ADGRB3: variants seen among roughly 807,000 people sequenced by gnomAD.
ADGRB3 encodes the protein adhesion G protein-coupled receptor B3.
ADGRB3 carries 37 observed loss-of-function variants against 193.4 expected under a neutral mutation model. That is an observed-to-expected ratio of 0.19 (90% CI 0.15 to 0.25). ADGRB3 has a LOEUF of 0.25. ADGRB3 is among the 10% of genes least tolerant of loss of function. The pLI is 1.00. For missense variants in ADGRB3, 1,637 were observed against 1,852.9 expected (o/e 0.88, Z 2.14); for synonymous variants, 690 against 644.2 (o/e 1.07, Z -1.08).
intron 3 of ADGRB3, among the ~76,000 whole-genome samples, chr6:68,768,611 C>T (rs981671460): frequency 6.6e-6 from 1 of 152,138 alleles, no homozygotes; most frequent in African/African-American, 2.4e-5. Flanking sequence ...TAGGCAATAT[C>T]ATTCAGGACA....
chr6:69,175,976 G>T (rs962618389), intron 17 of ADGRB3, among the ~76,000 whole-genome samples: 3 of 152,018 alleles, frequency 2.0e-5, no homozygotes, highest in Non-Finnish European at 4.4e-5. Flanking sequence ...TATTGATTTT[G>T]GTACATTGAT....
intron 17 of ADGRB3, among the ~76,000 whole-genome samples, chr6:69,084,994 A>C (rs1488601189): frequency 6.6e-6 from 1 of 152,164 alleles, no homozygotes; most frequent in Non-Finnish European, 1.5e-5. Flanking sequence ...TCTTGTTTGA[A>C]AAATGGGTCT....
At chr6:69,096,408 A>G (rs747807719) in intron 17 of ADGRB3, among the ~76,000 whole-genome samples, 3 of 136,664 alleles carry the variant, frequency 2.2e-5, no homozygotes, top group Admixed American at 7.9e-5. Flanking sequence ...ATCATCTTCT[A>G]TATGCATCTA....
rs1202543365 is a variant in ADGRB3, at chr6:68,956,725, A to T, written c.1441A>T (p.Thr481Ser). Residue 481 changes from threonine to serine, a missense_variant, in exon 8 of 32, where the codon ACC becomes TCC. Transcript: ENST00000370598. The part of the protein sequence containing the change: ...CDGGWERRIR[T>S]CQGAVITGQQ... Reference sequence around the variant, plus strand: ...TGGCGGCTGGGAAAGGCGAATAAGGACCTGTCAGGGTGCAGTGATAACAGG... The same window carrying T: ...TGGCGGCTGGGAAAGGCGAATAAGGTCCTGTCAGGGTGCAGTGATAACAGG... 1 of 1,614,050 alleles carries T rather than the reference A, an allele frequency of 6.2e-7. No individual in the cohort carries two copies. The highest frequency in any genetic ancestry group is 8.5e-7 in the Non-Finnish European group (1 of 1,179,990).
At chr6:69,231,268 G>T (rs1766128451) in intron 17 of ADGRB3, among the ~76,000 whole-genome samples, 1 of 152,162 alleles carries the variant, frequency 6.6e-6, no homozygotes, top group African/African-American at 2.4e-5. Flanking sequence ...GAGTAATGAA[G>T]TCTGATTACA....
At chr6:68,729,409 A>G (rs571624905) in intron 3 of ADGRB3, among the ~76,000 whole-genome samples, 3 of 151,790 alleles carry the variant, frequency 2.0e-5, no homozygotes, top group Non-Finnish European at 3.0e-5. Flanking sequence ...TCCATCATCA[A>G]GATAAACAGA....
intron 3 of ADGRB3, among the ~76,000 whole-genome samples, chr6:68,695,406 A>T (rs190727610): frequency 6.6e-6 from 1 of 152,180 alleles, no homozygotes; most frequent in East Asian, 1.9e-4. Flanking sequence ...CTCATTTACC[A>T]CTAATGGGAG....
At chr6:68,665,569 C>T (rs931533671) in intron 3 of ADGRB3, among the ~76,000 whole-genome samples, 2 of 151,600 alleles carry the variant, frequency 1.3e-5, no homozygotes, top group African/African-American at 4.8e-5. Flanking sequence ...TGGAGCTGAC[C>T]AACATATGCA....
At chr6:69,196,370 G>A (rs77009888) in intron 17 of ADGRB3, among the ~76,000 whole-genome samples, 11 of 152,122 alleles carry the variant, frequency 7.2e-5, no homozygotes, top group African/African-American at 1.2e-4. Flanking sequence ...AAAGTACCAC[G>A]GTTTGCATGG....
At chr6:69,031,492 G>A (rs1040741977) in intron 13 of ADGRB3, among the ~76,000 whole-genome samples, 1 of 50,704 alleles carries the variant, frequency 2.0e-5, no homozygotes, top group African/African-American at 6.4e-5. Flanking sequence ...TGTAGACCTA[G>A]CCACAAACAT....
At chr6:69,086,259 G>T (rs62416813) in intron 17 of ADGRB3, among the ~76,000 whole-genome samples, 20,557 of 152,058 alleles carry the variant, frequency 0.14, 1,571 homozygotes, top group Middle Eastern at 0.3. Context: ...GCACAATATT[G>T]CCACTATATA....
rs540190738 is a variant in ADGRB3 at position 69,119,973 on chromosome 6, ATC to A, written c.2480+43942_2480+43943del. ...AGTGAGCCAGATGAGAGATGATGCC[ATC>A]TCTCTCAGGATGGTAGCAGTAGGGA... On this transcript the variant is annotated intron_variant, in intron 17 of 31. Coordinates refer to ENST00000370598, the MANE Select transcript of ADGRB3 (RefSeq NM_001704.3). Among the ~76,000 whole-genome samples, 42 of 152,294 alleles carry A rather than the reference ATC, an allele frequency of 2.8e-4. No homozygotes were observed. The South Asian group carries it at 5.2e-3, about 19-fold the overall frequency.
chr6:68,655,872 A>T (rs1768479365), intron 3 of ADGRB3, among the ~76,000 whole-genome samples: 1 of 151,552 alleles, frequency 6.6e-6, no homozygotes, highest in Admixed American at 6.6e-5. Context: ...TCTTCTGTGT[A>T]TTTTTCTGCA....
At chr6:69,231,093 G>C (rs1766124899) in intron 17 of ADGRB3, among the ~76,000 whole-genome samples, 1 of 152,132 alleles carries the variant, frequency 6.6e-6, no homozygotes, top group Non-Finnish European at 1.5e-5. Context: ...TTTGCCTGGG[G>C]CTCGGCCAGG....
intron 20 of ADGRB3, among the ~76,000 whole-genome samples, chr6:69,249,040 C>G (rs538206252): frequency 2.0e-5 from 3 of 152,086 alleles, no homozygotes; most frequent in African/African-American, 7.2e-5. Flanking sequence ...TGCAGTAGCG[C>G]GATCTTGGCT....
intron 21 of ADGRB3, 58 bp from the exon 22 acceptor site, chr6:69,327,762 A>T: frequency 1.4e-6 from 2 of 1,470,090 alleles, no homozygotes; most frequent in Non-Finnish European, 1.9e-6. Context: ...CTTTTCTTAG[A>T]CCAGTATGCA....
chr6:69,360,942 T>A lies in ADGRB3; in HGVS notation c.3669T>A (p.Asp1223Glu), dbSNP rs1196659612. The change falls in exon 29 of 32, where the codon GAT becomes GAA. Residue 1223 changes from aspartate to glutamate, a missense_variant. Around this residue, in one of 7 missense-constraint regions of ADGRB3, gnomAD observed 368 missense variants for 367.4 expected, o/e 1.00. Transcript: ENST00000370598. The stretch of plus-strand genomic sequence containing the variant: ...CACTTTCTAGGATTTCTCTAAATGA[T>A]GATGAAGAAGAAAAGGGAACAAACC... ...TGTLSRISLN[D>E]DEEEKGTNPE... 6.2e-7 allele frequency: 1 copy of A among 1,612,526 alleles called. No homozygotes were observed. Among genetic ancestry groups the A allele is most frequent in the South Asian group, 1.1e-5 (1 of 91,036 alleles).
chr6:69,193,903 G>A (rs1412691044), intron 17 of ADGRB3, among the ~76,000 whole-genome samples: 4 of 151,492 alleles, frequency 2.6e-5, no homozygotes, highest in Non-Finnish European at 4.4e-5. Context: ...ATAAAGCCAG[G>A]GCAAAAAAGT....
intron 17 of ADGRB3, among the ~76,000 whole-genome samples, chr6:69,165,428 C>A (rs752597372): frequency 6.6e-6 from 1 of 151,720 alleles, no homozygotes; most frequent in African/African-American, 2.4e-5. Context: ...CTTTACACCC[C>A]GGCAAAACAA....
Sources: gnomAD v4.1 joint callset for allele counts (sites outside exome capture counted in the v4.1 genomes callset) on GRCh38, gnomAD v4.1.1 for gene constraint, gnomAD v4.1.1 regional missense constraint, MANE v1.5 for transcripts, NCBI Gene and HGNC (gene_info 2026-07-23, HGNC 2026-07-21) for gene names.